The following PTPN18 variants were observed in gnomAD, a reference collection of about 807,000 sequenced individuals.
PTPN18 encodes tyrosine-protein phosphatase non-receptor type 18.
PTPN18 carries 65 observed loss-of-function variants against 65.4 expected under a neutral mutation model. The observed-to-expected ratio is 0.99, with a 90% confidence interval of 0.81 to 1.22. The LOEUF is 1.22. PTPN18 is among the 50% of genes most tolerant of loss of function. PTPN18 has a pLI of 0.00. For synonymous variants in PTPN18, 255 were observed against 267.8 expected, an observed-to-expected ratio of 0.95 and a Z score of 0.47; for missense variants, 616 against 646.5, an observed-to-expected ratio of 0.95 and a Z score of 0.51.
At chr2:130,357,353 A>G (rs1418809765) in intron 1 of PTPN18, among the ~76,000 whole-genome samples, 1 of 152,270 alleles carries the variant, frequency 6.6e-6, no homozygotes, top group Non-Finnish European at 1.5e-5. Context: ...TGTACCAGAC[A>G]TAGAAACATA....
rs1680092203 is a variant in PTPN18 at position 130,358,957 on chromosome 2, T to C, written c.184T>C (p.Tyr62His). The change falls in exon 2 of 15, where the codon TAC (tyrosine) becomes CAC (histidine). Residue 62 changes from tyrosine to histidine, a missense_variant. Physicochemically the swap from Tyr to His is moderately conservative, Grantham distance 83 (BLOSUM62 2). This residue lies in a region of PTPN18 where 223 missense variants were observed against 210.0 expected (regional missense o/e 1.06). Transcript: ENST00000175756. ...SRPENVRKNR[Y>H]KDVLPYDQTR... ...GCCAGAGAACGTGAGGAAGAACCGC[T>C]ACAAAGACGTGCTGCCTTGTAAGTC... 19 of 1,614,162 alleles carry C rather than the reference T, an allele frequency of 1.2e-5. No homozygotes were observed. The highest frequency in any genetic ancestry group is 1.5e-5 in the Non-Finnish European group (18 of 1,179,990).
Position 130,372,318 on chromosome 2 carries a change from A to C in PTPN18, c.1075A>C (p.Lys359Gln). 1 of 1,485,780 alleles carries C rather than the reference A, an allele frequency of 6.7e-7. No individual in the cohort carries two copies. Among genetic ancestry groups the C allele is most frequent in the South Asian group, 1.3e-5 (1 of 76,692 alleles). The allele number at this position is 1,485,780 out of a possible 1,614,324, so 92.0% of individuals were successfully genotyped here. Reference protein sequence around the residue: ...AMADTYAVVQKRGAPAGAGSG... With the variant: ...AMADTYAVVQQRGAPAGAGSG... ...GGCTGACACCTACGCGGTGGTGCAGAAGCGCGGGGCTCCAGCGGGCGCCGG... is the reference window on the plus strand; with the variant it reads ...GGCTGACACCTACGCGGTGGTGCAGCAGCGCGGGGCTCCAGCGGGCGCCGG... Residue 359 changes from lysine to glutamine, a missense_variant, in exon 13 of 15, where the codon AAG (lysine) becomes CAG (glutamine). Physicochemically the swap from Lys to Gln is moderately conservative, Grantham distance 53 (BLOSUM62 1). Around this residue, in one of 3 missense-constraint regions of PTPN18, gnomAD observed 368 missense variants for 386.7 expected, o/e 0.95. Coordinates refer to ENST00000175756, the MANE Select transcript of PTPN18 (RefSeq NM_014369.4).
At chr2:130,361,522 C>CTTTCTTTCTTTT (rs1680198984) in intron 5 of PTPN18, among the ~76,000 whole-genome samples, 1 of 110,328 alleles carries the variant, frequency 9.1e-6, no homozygotes, top group African/African-American at 4.0e-5. Flanking sequence ...CTCTTTCTTT[C>CTTTCTTTCTTTT]TTTCTTTCTT....
intron 1 of PTPN18, among the ~76,000 whole-genome samples, chr2:130,358,190 C>T (rs1680054394): frequency 6.6e-6 from 1 of 152,134 alleles, no homozygotes; most frequent in African/African-American, 2.4e-5. Flanking sequence ...ATCATGAGGG[C>T]TTAAATGACC....
rs375420437 is a variant in PTPN18 at position 130,359,282 on chromosome 2, C to T, written c.252C>T (p.Ser84=). 14 of 1,614,042 alleles carry T rather than the reference C, an allele frequency of 8.7e-6. No homozygotes were observed. Among genetic ancestry groups the T allele is most frequent in the Admixed American group, 3.3e-5 (2 of 59,998 alleles). Residue 84 remains serine, a synonymous_variant, in exon 3 of 15, where the codon AGC becomes AGT. Coordinates refer to ENST00000175756, the MANE Select transcript of PTPN18 (RefSeq NM_014369.4). ...ILSLLQEEGH[S]DYINGNFIRG... ...CCCTGCTCCAGGAAGAGGGACACAG[C>T]GACTACATTAATGGCAACTTCATCC...
At position 130,359,662 on chromosome 2, in the gene PTPN18, C is replaced by G; in HGVS notation, c.414+16C>G. The G allele has an allele frequency of 6.2e-7, 1 of 1,613,024 alleles. No individual in the cohort carries two copies. The highest frequency in any genetic ancestry group is 8.5e-7 in the Non-Finnish European group (1 of 1,178,986). ...GAATGGGCGGGTAGGTGCCCTCTGC[C>G]CCCAGGTTTCATGTCCTTGTGGGAG... On this transcript the variant is annotated intron_variant, in intron 5 of 14. Transcript: ENST00000175756.
Position 130,359,387 on chromosome 2 carries a change from C to T in PTPN18, c.280-10C>T, listed in dbSNP as rs756494669. ...CGCAGAATCTCAGTCGTGAATTCGG[C>T]CTTCACCAGGGCGTGGATGGAAGCC... On this transcript the variant is annotated splice_polypyrimidine_tract_variant and intron_variant, in intron 3 of 14. Transcript: ENST00000175756. The T allele has an allele frequency of 3.1e-6, 5 of 1,614,140 alleles. No individual in the cohort carries two copies. In the Admixed American group the frequency reaches 8.3e-5, roughly 27 times the overall value.
chr2:130,365,876 A>G (rs953613609), intron 5 of PTPN18, among the ~76,000 whole-genome samples: 1 of 152,232 alleles, frequency 6.6e-6, no homozygotes, highest in Admixed American at 6.5e-5. Flanking sequence ...TTAATTGGCC[A>G]TAAATATAAG....
intron 5 of PTPN18, chr2:130,362,467 C>G: frequency 4.8e-6 from 1 of 208,622 alleles, no homozygotes; most frequent in Admixed American, 5.5e-5. Flanking sequence ...TAATTATTCC[C>G]TTATTAGCTA....
intron 5 of PTPN18, among the ~76,000 whole-genome samples, chr2:130,360,568 GT>G (rs1000500798): frequency 1.1e-4 from 17 of 151,968 alleles, no homozygotes; most frequent in African/African-American, 3.6e-4. Context: ...GCTCCTGCCT[GT>G]TTTTTGTAAA....
In PTPN18 at chr2:130,370,748, T is replaced by C. The variant is rs1365446389; in HGVS notation, c.800T>C (p.Met267Thr). 1 of 1,614,186 alleles carries C rather than the reference T, an allele frequency of 6.2e-7. No homozygotes were observed. The highest frequency in any genetic ancestry group is 1.1e-5 in the South Asian group (1 of 91,084). The change falls in exon 10 of 15, where the codon ATG becomes ACG. Residue 267 changes from methionine (M) to threonine (T), a missense_variant. Around this residue, in one of 3 missense-constraint regions of PTPN18, gnomAD observed 368 missense variants for 386.7 expected, o/e 0.95. Transcript: ENST00000175756. ...AGTCTCTTTGATGTGGTCCTTAAGATGAGGAAGCAGCGGCCTGCGGCCGTG... is the reference window on the plus strand; with the variant it reads ...AGTCTCTTTGATGTGGTCCTTAAGACGAGGAAGCAGCGGCCTGCGGCCGTG... ...DFSLFDVVLK[M>T]RKQRPAAVQT...
At position 130,373,242 on chromosome 2, in the gene PTPN18, G is replaced by A; in HGVS notation, c.*18G>A. On this transcript the variant is annotated 3_prime_UTR_variant, in exon 15 of 15. Coordinates refer to ENST00000175756, the MANE Select transcript of PTPN18 (RefSeq NM_014369.4). This position sits in a 1 kb window ranked among gnomAD's most constrained non-coding sequence, Gnocchi z 4.1. ...GGGTGTAAGTCTAACGCCAGTTCCT[G>A]CCTGTTGCCTCTTGTGAGCTCGGAC... 4 of 1,567,316 alleles carry A rather than the reference G, an allele frequency of 2.6e-6. No homozygotes were observed. Among genetic ancestry groups the A allele is most frequent in the Non-Finnish European group, 3.5e-6 (4 of 1,159,286 alleles).
chr2:130,359,064 C>T, intron 2 of PTPN18, 89 bp downstream of exon 2: 7 of 1,485,034 alleles, frequency 4.7e-6, no homozygotes, highest in Non-Finnish European at 6.5e-6. Context: ...ACCCACTGTG[C>T]TCTCCTCCCA....
intron 7 of PTPN18, 34 bp from the exon 8 acceptor site, chr2:130,370,014 C>T (rs1373646483): frequency 1.2e-6 from 2 of 1,602,430 alleles, no homozygotes; most frequent in Non-Finnish European, 1.7e-6. Context: ...CTTTTTTTTC[C>T]TAAGTCTTTT....
chr2:130,368,872 T>G, intron 5 of PTPN18: 1 of 334,646 alleles, frequency 3.0e-6, no homozygotes, highest in Non-Finnish European at 5.5e-6. Context: ...TAGTGGCTCA[T>G]GTATTTTGTC....
At position 130,370,167 on chromosome 2, in the gene PTPN18, T is replaced by C. The variant is rs770606332; in HGVS notation, c.666T>C (p.Pro222=). 8.1e-6 allele frequency: 13 copies of C among 1,612,766 alleles called. No individual in the cohort carries two copies. The highest frequency in any genetic ancestry group is 1.1e-5 in the Non-Finnish European group (13 of 1,180,024). The change falls in exon 8 of 15, where the codon CCT becomes CCC. Residue 222 remains proline, a synonymous_variant. Coordinates refer to ENST00000175756, the MANE Select transcript of PTPN18 (RefSeq NM_014369.4). ...EEARRLQGSG[P]EPLCVHCSAG... ...CCCGTCGCCTCCAGGGATCTGGCCCTGAACCCCTCTGTGTCCACTGCAGGT... is the reference window on the plus strand; with the variant it reads ...CCCGTCGCCTCCAGGGATCTGGCCCCGAACCCCTCTGTGTCCACTGCAGGT...
Position 130,360,541 on chromosome 2 carries a change from GCTAT to G in PTPN18, c.414+898_414+901del, listed in dbSNP as rs1293914014. Among the ~76,000 whole-genome samples the G allele has an allele frequency of 2.6e-5, 4 of 151,894 alleles. No homozygotes were observed. The East Asian group carries it at 5.8e-4, about 22-fold the overall frequency. ...TCTCTCTGTCTCATCTCTCTATTTCGCTATCTCTTTTTTCATGCTCCTGCCTGTT... is the reference window on the plus strand; with the variant it reads ...TCTCTCTGTCTCATCTCTCTATTTCGCTCTTTTTTCATGCTCCTGCCTGTT... On this transcript the variant is annotated intron_variant, in intron 5 of 14. Transcript: ENST00000175756.
intron 1 of PTPN18, among the ~76,000 whole-genome samples, chr2:130,356,972 C>T (rs150201867): frequency 2.5e-3 from 375 of 152,272 alleles, no homozygotes; most frequent in African/African-American, 8.5e-3. Context: ...GGGAGGATCG[C>T]TTGAGCTCAG....
rs774709547 is a variant in PTPN18 at position 130,372,922 on chromosome 2, G to A, written c.1290G>A (p.Ala430=). The part of the protein sequence containing the change: ...PAGSGAYEDV[A]GGAQTGGLGF... ...GATCTGGCGCCTACGAGGACGTGGC[G>A]GGTGGAGCTCAGACCGGTGGGCTAG... The change falls in exon 14 of 15, where the codon GCG becomes GCA. Residue 430 remains alanine, a synonymous_variant. Transcript: ENST00000175756. The A allele has an allele frequency of 8.7e-6, 14 of 1,614,074 alleles. No individual in the cohort carries two copies. The African/African-American group carries it at 1.2e-4, about 14-fold the overall frequency.
Sources: allele counts gnomAD v4.1 joint callset (sites outside exome capture counted in the v4.1 genomes callset), GRCh38; gene constraint gnomAD v4.1.1; regional missense constraint gnomAD v4.1.1; non-coding constraint Gnocchi (gnomAD v3.1); transcripts MANE v1.5; gene names NCBI Gene and HGNC (gene_info 2026-07-23, HGNC 2026-07-21).